COL5A2: variants seen among roughly 807,000 people sequenced by gnomAD.
COL5A2 encodes the protein collagen type V alpha 2 chain.
Under a neutral mutation model 208.2 loss-of-function variants are expected in COL5A2, and 23 were observed. That is an observed-to-expected ratio of 0.11 (90% CI 0.08 to 0.16). The LOEUF (loss-of-function observed/expected upper bound fraction) is 0.16. COL5A2 is among the 10% of genes least tolerant of loss of function. The pLI, the probability that COL5A2 is intolerant of heterozygous loss-of-function variation, is 1.00. For missense variants in COL5A2, 1,590 were observed against 1,956.4 expected (o/e 0.81, Z 3.53); for synonymous variants, 625 against 628.5 (o/e 0.99, Z 0.08).
chr2:189,091,320 T>C (rs1686778916), intron 7 of COL5A2, among the ~76,000 whole-genome samples: 1 of 152,208 alleles, frequency 6.6e-6, no homozygotes, highest in South Asian at 2.1e-4. Context: ...AAGTCGTTTC[T>C]CAAGATGCAG....
intron 1 of COL5A2, among the ~76,000 whole-genome samples, chr2:189,143,318 A>G (rs1687972110): frequency 1.3e-5 from 2 of 152,150 alleles, no homozygotes; most frequent in African/African-American, 4.8e-5. Context: ...CCACTTGCCT[A>G]GGGTCACCTG....
the COL5A2 span, among the ~76,000 whole-genome samples, chr2:189,395,307 T>G: frequency 2.0e-5 from 3 of 152,166 alleles, no homozygotes; most frequent in East Asian, 5.8e-4. Flanking sequence ...TATAGGAAAA[T>G]GCATAGTATG....
chr2:189,428,177 G>A, the COL5A2 span, among the ~76,000 whole-genome samples: 2 of 152,160 alleles, frequency 1.3e-5, no homozygotes, highest in East Asian at 3.9e-4. Context: ...ATGGTTTGGT[G>A]TGTGTACCTG....
At chr2:189,338,718 T>C in the COL5A2 span, among the ~76,000 whole-genome samples, 1 of 148,042 alleles carries the variant, frequency 6.8e-6, no homozygotes, top group Admixed American at 6.8e-5. Context: ...TAAATATATT[T>C]TATAATATAA....
At chr2:189,259,656 C>T in the COL5A2 span, among the ~76,000 whole-genome samples, 1 of 152,134 alleles carries the variant, frequency 6.6e-6, no homozygotes, top group Non-Finnish European at 1.5e-5. Context: ...GACATGGTGA[C>T]AGAAGAGTTG....
the COL5A2 span, among the ~76,000 whole-genome samples, chr2:189,434,534 T>C: frequency 1.3e-4 from 19 of 151,680 alleles, no homozygotes; most frequent in Non-Finnish European, 2.7e-4. Context: ...TATACACCAA[T>C]AACAGACAGA....
intron 12 of COL5A2, among the ~76,000 whole-genome samples, chr2:189,083,029 A>T (rs1686570636): frequency 6.6e-6 from 1 of 152,182 alleles, no homozygotes; most frequent in African/African-American, 2.4e-5. Flanking sequence ...ATTTCCTAGC[A>T]TTGAACCTCA....
chr2:189,428,487 A>G, the COL5A2 span, among the ~76,000 whole-genome samples: 3 of 152,080 alleles, frequency 2.0e-5, no homozygotes, highest in African/African-American at 4.8e-5. Context: ...GTGTGGTGGC[A>G]CGCACCTGTA....
At chr2:189,075,782 A>C (rs1197159428) in intron 16 of COL5A2, among the ~76,000 whole-genome samples, 1 of 152,206 alleles carries the variant, frequency 6.6e-6, no homozygotes, top group Non-Finnish European at 1.5e-5. Context: ...AGATTAACTC[A>C]GAGAAGCAAT....
the COL5A2 span, among the ~76,000 whole-genome samples, chr2:189,339,096 A>G: frequency 6.6e-6 from 1 of 152,174 alleles, no homozygotes; most frequent in Non-Finnish European, 1.5e-5. Flanking sequence ...CACACCTATA[A>G]TCTCAGCAAT....
the COL5A2 span, among the ~76,000 whole-genome samples, chr2:189,346,012 C>G: frequency 6.6e-6 from 1 of 152,156 alleles, no homozygotes; most frequent in Non-Finnish European, 1.5e-5. Flanking sequence ...CTCCAACACT[C>G]TTTTCCAACT....
intron 1 of COL5A2, among the ~76,000 whole-genome samples, chr2:189,191,307 G>A (rs540821428): frequency 6.6e-6 from 1 of 152,024 alleles, no homozygotes; most frequent in African/African-American, 2.4e-5. Flanking sequence ...TGAATTTACA[G>A]TAAAGGAGGT....
the COL5A2 span, among the ~76,000 whole-genome samples, chr2:189,377,812 C>T: frequency 2.6e-5 from 4 of 152,164 alleles, no homozygotes; most frequent in Non-Finnish European, 5.9e-5. Context: ...AGACACGTTA[C>T]AAGCATGATT....
chr2:189,333,141 T>C, the COL5A2 span, among the ~76,000 whole-genome samples: 1 of 152,090 alleles, frequency 6.6e-6, no homozygotes, highest in Non-Finnish European at 1.5e-5. Context: ...ATCTTACTCT[T>C]TCGAAATTTG....
chr2:189,220,158 G>T (rs1689330413), intron 1 of COL5A2, among the ~76,000 whole-genome samples: 1 of 152,066 alleles, frequency 6.6e-6, no homozygotes, highest in Admixed American at 6.6e-5. Flanking sequence ...ACCCTGAAGG[G>T]GCTGACACCT....
At chr2:189,227,667 T>C (rs1689437475), upstream of COL5A2, among the ~76,000 whole-genome samples, 1 of 151,960 alleles carries the variant, frequency 6.6e-6, no homozygotes, top group African/African-American at 2.4e-5. Flanking sequence ...GAAGATATAA[T>C]TATAAATATA....
chr2:189,385,372 T>C, the COL5A2 span, among the ~76,000 whole-genome samples: 1 of 152,016 alleles, frequency 6.6e-6, no homozygotes, highest in Non-Finnish European at 1.5e-5. Flanking sequence ...CAATCCTATT[T>C]ATAAAAGACA....
intron 51 of COL5A2, among the ~76,000 whole-genome samples, chr2:189,038,574 G>C (rs1685489634): frequency 6.6e-6 from 1 of 152,182 alleles, no homozygotes; most frequent in Admixed American, 6.5e-5. Flanking sequence ...TCAAATGGTA[G>C]CTCTGCTTTA....
the COL5A2 span, among the ~76,000 whole-genome samples, chr2:189,273,051 T>C: frequency 6.6e-6 from 1 of 152,140 alleles, no homozygotes; most frequent in Non-Finnish European, 1.5e-5. Flanking sequence ...GATTTCAAAC[T>C]AGATAGATCA....
Sources: allele counts gnomAD v4.1 joint callset (sites outside exome capture counted in the v4.1 genomes callset), GRCh38; gene constraint gnomAD v4.1.1; transcripts MANE v1.5; gene names NCBI Gene and HGNC (gene_info 2026-07-23, HGNC 2026-07-21).